Variants in CCSER1 observed in about 807,000 individuals in gnomAD.
CCSER1 encodes serine-rich coiled-coil domain-containing protein 1.
A neutral mutation model predicts 82.0 loss-of-function variants in CCSER1; 41 were observed. The observed-to-expected ratio is 0.50, with a 90% CI of 0.39 to 0.65. The LOEUF is 0.65. Ranked by LOEUF, CCSER1 falls within the 30% of genes least tolerant of loss-of-function variation. The probability of loss-of-function intolerance (pLI) is 0.00; values close to 1 mark genes in which losing one functional copy is unlikely to be tolerated. For missense variants in CCSER1, 1,119 were observed against 1,064.2 expected (o/e 1.05, Z -0.72); for synonymous variants, 414 against 383.9 (o/e 1.08, Z -0.92).
intron 1 of CCSER1, among the ~76,000 whole-genome samples, chr4:90,244,628 G>A (rs1721093266): frequency 1.3e-5 from 2 of 152,120 alleles, no homozygotes; most frequent in Admixed American, 6.5e-5. Context: ...CGTGGTGGCA[G>A]GAGAGAGAAG....
intron 7 of CCSER1, among the ~76,000 whole-genome samples, chr4:90,750,066 G>A (rs1748330848): frequency 1.3e-5 from 2 of 152,010 alleles, no homozygotes; most frequent in African/African-American, 4.8e-5. Context: ...TTTTTCATGT[G>A]TTTTTTGGCT....
At chr4:91,295,950 T>C (rs544823374) in intron 10 of CCSER1, among the ~76,000 whole-genome samples, 115 of 152,074 alleles carry the variant, frequency 7.6e-4, no homozygotes, top group African/African-American at 2.7e-3. Flanking sequence ...AGGGACTTTA[T>C]AGTAACTAAA....
chr4:91,299,018 T>TA (rs1296654891), intron 10 of CCSER1, among the ~76,000 whole-genome samples: 1 of 151,922 alleles, frequency 6.6e-6, no homozygotes, highest in Non-Finnish European at 1.5e-5. Context: ...ACCTACTAAA[T>TA]AAAAAATGTT....
intron 10 of CCSER1, among the ~76,000 whole-genome samples, chr4:91,331,251 C>A (rs1746932926): frequency 6.6e-6 from 1 of 152,098 alleles, no homozygotes; most frequent in African/African-American, 2.4e-5. Flanking sequence ...CTTTAATATC[C>A]TTGTCAGATA....
At chr4:90,365,457 G>T (rs1043143940) in intron 3 of CCSER1, among the ~76,000 whole-genome samples, 3 of 151,488 alleles carry the variant, frequency 2.0e-5, no homozygotes, top group Non-Finnish European at 4.4e-5. Flanking sequence ...ATCAAAATAT[G>T]CAGACTTTAA....
At position 90,587,720 on chromosome 4, in the gene CCSER1, CA is replaced by C. The variant is rs541094809; in HGVS notation, c.1725-40300del. 4.6e-5 allele frequency among the ~76,000 whole-genome samples: 7 copies of C among 152,220 alleles called. No homozygotes were observed. In the South Asian group the frequency reaches 1.5e-3, roughly 32 times the overall value. On this transcript the variant is annotated intron_variant, in intron 5 of 10. Transcript: ENST00000509176. The stretch of plus-strand genomic sequence containing the variant: ...TAAGTTGCTTTATTTCTTGTGTAGT[CA>C]AAAATAATATCCTTTAAATCATTTC...
chr4:91,267,122 G>A (rs1741650307), intron 10 of CCSER1, among the ~76,000 whole-genome samples: 1 of 152,192 alleles, frequency 6.6e-6, no homozygotes, highest in Non-Finnish European at 1.5e-5. Context: ...TTGGAGAAGT[G>A]GTAGGTAAAG....
At chr4:90,822,793 A>C (rs1258939095) in intron 8 of CCSER1, among the ~76,000 whole-genome samples, 1 of 152,092 alleles carries the variant, frequency 6.6e-6, no homozygotes, top group Non-Finnish European at 1.5e-5. Flanking sequence ...CCGGAAAAAC[A>C]AAATAGATTT....
chr4:90,959,729 C>T (rs1733874746), intron 9 of CCSER1, among the ~76,000 whole-genome samples: 1 of 142,454 alleles, frequency 7.0e-6, no homozygotes, highest in Non-Finnish European at 1.5e-5. Context: ...GGAAGTTCTG[C>T]CTCGGGTTTT....
At chr4:90,735,229 G>A (rs1330258319) in intron 7 of CCSER1, among the ~76,000 whole-genome samples, 5 of 152,102 alleles carry the variant, frequency 3.3e-5, no homozygotes, top group African/African-American at 1.2e-4. Context: ...GTTTGCTAGT[G>A]TGTTGTTGAG....
At chr4:91,013,923 C>G (rs1302776222) in intron 9 of CCSER1, among the ~76,000 whole-genome samples, 1 of 131,236 alleles carries the variant, frequency 7.6e-6, no homozygotes, top group African/African-American at 2.5e-5. Context: ...TCCGGGCACA[C>G]TTTTTTGTTT....
At chr4:90,699,829 C>G (rs1197746839) in intron 6 of CCSER1, among the ~76,000 whole-genome samples, 1 of 151,774 alleles carries the variant, frequency 6.6e-6, no homozygotes, top group Non-Finnish European at 1.5e-5. Context: ...AGGTTGGAGC[C>G]CTAATAAATT....
chr4:90,165,587 A>G (rs940536608), intron 1 of CCSER1, among the ~76,000 whole-genome samples: 7 of 152,126 alleles, frequency 4.6e-5, no homozygotes, highest in South Asian at 2.1e-4. Context: ...ATAAATAAGA[A>G]CTCTCTTTGA....
chr4:91,593,467 CTTTTT>C (rs753973015), intron 10 of CCSER1, among the ~76,000 whole-genome samples: 6 of 55,044 alleles, frequency 1.1e-4, no homozygotes, highest in South Asian at 1.4e-3. Flanking sequence ...CAACCCCGTG[CTTTTT>C]TTTTTTTTTT....
chr4:90,239,244 C>T (rs1746393960), intron 1 of CCSER1, among the ~76,000 whole-genome samples: 1 of 152,168 alleles, frequency 6.6e-6, no homozygotes, highest in Admixed American at 6.5e-5. Context: ...AATAAACATA[C>T]ATCCCATAGG....
chr4:90,405,509 G>T (rs1658658528), intron 4 of CCSER1, among the ~76,000 whole-genome samples: 1 of 152,062 alleles, frequency 6.6e-6, no homozygotes, highest in Non-Finnish European at 1.5e-5. Flanking sequence ...GAAGCTCAAA[G>T]AACACCTTGG....
chr4:90,538,366 G>GT (rs1352799443), intron 5 of CCSER1, among the ~76,000 whole-genome samples: 2 of 151,852 alleles, frequency 1.3e-5, no homozygotes, highest in Admixed American at 6.6e-5. Flanking sequence ...AATTTTCCTA[G>GT]TTTTTTCTTA....
chr4:91,047,410 A>G (rs1561500478), intron 9 of CCSER1, among the ~76,000 whole-genome samples: 1 of 152,102 alleles, frequency 6.6e-6, no homozygotes, highest in Non-Finnish European at 1.5e-5. Flanking sequence ...TAATGCTTCC[A>G]TCTCTCCATC....
intron 10 of CCSER1, among the ~76,000 whole-genome samples, chr4:91,436,706 C>T (rs1754673633): frequency 6.6e-6 from 1 of 151,974 alleles, no homozygotes; most frequent in African/African-American, 2.4e-5. Flanking sequence ...TGTTGTCTTC[C>T]AATAGTGAAA....
Sources: allele counts gnomAD v4.1 joint callset (sites outside exome capture counted in the v4.1 genomes callset), GRCh38; gene constraint gnomAD v4.1.1; transcripts MANE v1.5; gene names NCBI Gene and HGNC (gene_info 2026-07-23, HGNC 2026-07-21).